The following RFPL4AL1 variants were observed in gnomAD, a reference collection of about 807,000 sequenced individuals.
The protein encoded by RFPL4AL1 is ret finger protein like 4A like 1.
A neutral mutation model predicts 8.2 loss-of-function variants in RFPL4AL1; 2 were observed. The ratio of observed to expected loss-of-function variants is 0.24; its 90% CI spans 0.10 to 0.77. RFPL4AL1 has a LOEUF of 0.77. Among genes scored for constraint, RFPL4AL1 ranks in the 30% least tolerant of loss-of-function variants. The pLI is 0.72. For synonymous variants in RFPL4AL1, 25 were observed against 131.8 expected (o/e 0.19, Z 5.55); for missense variants, 57 against 350.3 (o/e 0.16, Z 6.68).
chr19:55,769,877 A>G (rs1370725463), intron 1 of RFPL4AL1, among the ~76,000 whole-genome samples: 3 of 151,752 alleles, frequency 2.0e-5, no homozygotes, highest in Non-Finnish European at 4.4e-5. Flanking sequence ...CATTGGTGCA[A>G]TGCCAGAATT....
At position 55,771,311 on chromosome 19, in the gene RFPL4AL1, A is replaced by T. The variant is rs533903328; in HGVS notation, c.-9-485A>T. 7.6e-3 allele frequency among the ~76,000 whole-genome samples: 1,157 copies of T among 151,882 alleles called. 1 individual carries two copies. The highest frequency in any genetic ancestry group is 9.1e-3 in the Non-Finnish European group (619 of 67,804). On this transcript the variant is annotated intron_variant, in intron 1 of 2. Transcript: ENST00000341750. ...TAAATTCATTTTCTGGTAGTCACAT[A>T]AAATAGAACAAAACAAGCCTAATGA... is the stretch of plus-strand genomic sequence containing the variant.
intron 1 of RFPL4AL1, among the ~76,000 whole-genome samples, chr19:55,771,095 T>A (rs1376633299): frequency 1.7e-4 from 25 of 149,294 alleles, no homozygotes; most frequent in Non-Finnish European, 3.6e-4. Context: ...TGTTTTTTTT[T>A]TTTTTTTTTT....
chr19:55,773,202 C>T lies in RFPL4AL1; in HGVS notation c.*23C>T. 7.3e-7 allele frequency: 1 copy of T among 1,376,220 alleles called. No individual in the cohort carries two copies. The highest frequency in any genetic ancestry group is 1.0e-6 in the Non-Finnish European group (1 of 999,118). 85.3% of individuals were successfully genotyped at this position (1,376,220 alleles called of 1,614,324 possible). A position where few individuals can be genotyped will look rare whatever the true frequency, so the allele number is the denominator to read the frequency against. ...TAAATAAACATTTGAACATAATCAT[C>T]TTTAGGAAGTTTCAGTGCCCCCATA... is the stretch of plus-strand genomic sequence containing the variant. On this transcript the variant is annotated 3_prime_UTR_variant, in exon 3 of 3. Transcript: ENST00000341750.
chr19:55,769,764 A>G (rs1989455070), intron 1 of RFPL4AL1, among the ~76,000 whole-genome samples: 1 of 151,504 alleles, frequency 6.6e-6, no homozygotes, highest in Non-Finnish European at 1.5e-5. Context: ...TTCTGATTCT[A>G]TGAGATCAGT....
intron 1 of RFPL4AL1, among the ~76,000 whole-genome samples, chr19:55,769,475 G>A (rs1420624860): frequency 6.6e-6 from 1 of 151,552 alleles, no homozygotes; most frequent in African/African-American, 2.4e-5. Flanking sequence ...TTTTCCTATG[G>A]GTTTGGTATT....
chr19:55,773,167 T>C lies in RFPL4AL1; in HGVS notation c.852T>C (p.Ser284=). ...NPSTASAPVS[S]EGK ...CCACTGCCAGTGCCCCAGTTTCTTC[T>C]GAGGGAAAGTAAATAAACATTTGAA... The change falls in exon 3 of 3, where the codon TCT becomes TCC. Residue 284 remains serine, a synonymous_variant. Coordinates refer to ENST00000341750, the MANE Select transcript of RFPL4AL1 (RefSeq NM_001277397.2). 6.5e-7 allele frequency: 1 copy of C among 1,530,134 alleles called. No homozygotes were observed. Among genetic ancestry groups the C allele is most frequent in the Non-Finnish European group, 8.9e-7 (1 of 1,129,484 alleles). 94.8% of individuals were successfully genotyped at this position (1,530,134 alleles called of 1,614,324 possible). A position where few individuals can be genotyped will look rare whatever the true frequency, so the allele number is the denominator to read the frequency against.
intron 1 of RFPL4AL1, among the ~76,000 whole-genome samples, chr19:55,770,099 A>G (rs1233901371): frequency 6.6e-6 from 1 of 151,888 alleles, no homozygotes; most frequent in African/African-American, 2.4e-5. Context: ...TCTATTCTTC[A>G]TGTTTTCAGA....
At position 55,772,999 on chromosome 19, in the gene RFPL4AL1, CT is replaced by C; in HGVS notation, c.688del (p.Tyr230ThrfsTer38). Reference sequence around the variant, plus strand: ...TGGATGTAGGTATGAGGTCCATTGCCTTTTACAATGTTAGTGATGGGTGCCA... The same window carrying C: ...TGGATGTAGGTATGAGGTCCATTGCCTTTACAATGTTAGTGATGGGTGCCA... ...FLDVGMRSIA[F>X]YNVSDGCHIN... is the part of the protein sequence containing the mutation. On this transcript the variant is annotated frameshift_variant, in exon 3 of 3. Coordinates refer to ENST00000341750, the MANE Select transcript of RFPL4AL1 (RefSeq NM_001277397.2). LOFTEE classifies it low-confidence loss of function (END_TRUNC). 1.5e-6 allele frequency: 2 copies of C among 1,369,394 alleles called. No individual in the cohort carries two copies. Among genetic ancestry groups the C allele is most frequent in the South Asian group, 1.3e-5 (1 of 77,190 alleles). The allele number at this position is 1,369,394 out of a possible 1,614,324, so 84.8% of individuals were successfully genotyped here.
At chr19:55,770,153 C>T (rs1989463561) in intron 1 of RFPL4AL1, among the ~76,000 whole-genome samples, 1 of 152,008 alleles carries the variant, frequency 6.6e-6, no homozygotes, top group African/African-American at 2.4e-5. Context: ...AATTTTCTTT[C>T]CCACCAACCG....
intron 1 of RFPL4AL1, among the ~76,000 whole-genome samples, chr19:55,770,419 C>A (rs11084407): frequency 0.3 from 45,968 of 150,754 alleles, 6,772 homozygotes; most frequent in South Asian, 0.52. Context: ...CAAAAGCACA[C>A]TGTTAGGAGA....
In RFPL4AL1 at chr19:55,773,238, AG is replaced by A. The variant is rs1989539876; in HGVS notation, c.*60del. ...TTCAGTGCCCCCATAGCCATAGCTA[AG>A]AACTTTTCCGCTAGATACACATAGG... On this transcript the variant is annotated 3_prime_UTR_variant, in exon 3 of 3. Coordinates refer to ENST00000341750, the MANE Select transcript of RFPL4AL1 (RefSeq NM_001277397.2). 1 of 1,112,404 alleles carries A rather than the reference AG, an allele frequency of 9.0e-7. No individual in the cohort carries two copies. Among genetic ancestry groups the A allele is most frequent in the Non-Finnish European group, 1.3e-6 (1 of 774,078 alleles). 68.9% of individuals were successfully genotyped at this position (1,112,404 alleles called of 1,614,324 possible).
Position 55,769,171 on chromosome 19 carries a change from G to A in RFPL4AL1, c.-14G>A, listed in dbSNP as rs924527296. ...GAGGCCAGGGGAGAAACTCCAGAAGGAGAGGTGAGTTCAATCTTATGGAAT... is the reference window on the plus strand; with the variant it reads ...GAGGCCAGGGGAGAAACTCCAGAAGAAGAGGTGAGTTCAATCTTATGGAAT... On this transcript the variant is annotated 5_prime_UTR_variant, in exon 1 of 3. Transcript: ENST00000341750. 3.3e-5 allele frequency: 5 copies of A among 153,266 alleles called. No individual in the cohort carries two copies. The highest frequency in any genetic ancestry group is 1.2e-4 in the African/African-American group (5 of 41,424). The allele number at this position is 153,266 out of a possible 1,614,324, so 9.5% of individuals were successfully genotyped here.
At chr19:55,770,603 G>T (rs1307973935) in intron 1 of RFPL4AL1, among the ~76,000 whole-genome samples, 1 of 151,772 alleles carries the variant, frequency 6.6e-6, no homozygotes, top group African/African-American at 2.4e-5. Context: ...GGCATGCTGG[G>T]GTCAGCCGTG....
chr19:55,770,409 CA>C (rs1568618449), intron 1 of RFPL4AL1, among the ~76,000 whole-genome samples: 1 of 151,906 alleles, frequency 6.6e-6, no homozygotes. Context: ...TATTCCAGAG[CA>C]AAAGCACACT....
intron 1 of RFPL4AL1, 99 bp downstream of exon 1, chr19:55,769,274 C>T (rs1486656164): frequency 2.0e-5 from 3 of 151,626 alleles, no homozygotes; most frequent in African/African-American, 7.3e-5. Flanking sequence ...CTGAGGCCAA[C>T]TCCATGACAG....
chr19:55,769,993 C>G lies in RFPL4AL1; in HGVS notation c.-10+818C>G, dbSNP rs572546591. On this transcript the variant is annotated intron_variant, in intron 1 of 2. Transcript: ENST00000341750. Reference sequence around the variant, plus strand: ...GTTTCCATGGCTGTTGTGAATAATGCTGCAGAGAACCTAAGAGTGCAGATA... The same window carrying G: ...GTTTCCATGGCTGTTGTGAATAATGGTGCAGAGAACCTAAGAGTGCAGATA... 2.1e-3 allele frequency among the ~76,000 whole-genome samples: 320 copies of G among 152,080 alleles called. 2 individuals are homozygous for G. Among genetic ancestry groups the G allele is most frequent in the African/African-American group, 7.3e-3 (302 of 41,492 alleles).
intron 1 of RFPL4AL1, among the ~76,000 whole-genome samples, chr19:55,771,060 T>C (rs1260000156): frequency 6.6e-6 from 1 of 150,878 alleles, no homozygotes; most frequent in Non-Finnish European, 1.5e-5. Context: ...TGGCTGCTTG[T>C]TTGGTTTCTT....
At chr19:55,770,163 G>A (rs1316380693) in intron 1 of RFPL4AL1, among the ~76,000 whole-genome samples, 3 of 152,070 alleles carry the variant, frequency 2.0e-5, no homozygotes, top group South Asian at 2.1e-4. Flanking sequence ...CCCACCAACC[G>A]TGCACAAGGG....
intron 1 of RFPL4AL1, among the ~76,000 whole-genome samples, chr19:55,771,079 G>GTTTTTTTTTTTTT (rs1243816491): frequency 5.6e-5 from 5 of 89,520 alleles, no homozygotes; most frequent in Non-Finnish European, 5.0e-5. Flanking sequence ...TTTTAGTTCT[G>GTTTTTTTTTTTTT]TTTTTTGTTT....
Sources: allele counts gnomAD v4.1 joint callset (sites outside exome capture counted in the v4.1 genomes callset), GRCh38; gene constraint gnomAD v4.1.1; transcripts MANE v1.5; gene names NCBI Gene and HGNC (gene_info 2026-07-23, HGNC 2026-07-21).